Variants in ARHGAP8 observed in about 807,000 individuals in gnomAD.
The protein encoded by ARHGAP8 is rho GTPase-activating protein 8.
A neutral mutation model predicts 46.1 loss-of-function variants in ARHGAP8; 62 were observed. The observed-to-expected ratio is 1.34, with a 90% confidence interval of 1.10 to 1.66. The LOEUF is 1.66. Ranked by LOEUF, ARHGAP8 falls within the 40% of genes most tolerant of loss-of-function variation. The pLI is 0.00. For missense variants in ARHGAP8, 923 were observed against 568.4 expected (o/e 1.62, Z -6.34); for synonymous variants, 375 against 243.1 (o/e 1.54, Z -5.05).
intron 2 of ARHGAP8, among the ~76,000 whole-genome samples, chr22:44,789,881 C>T (rs1927536390): frequency 6.6e-6 from 1 of 152,318 alleles, no homozygotes; most frequent in African/African-American, 2.4e-5. Context: ...ACAGCTCTAC[C>T]AGCTTTCTCA....
At position 44,862,352 on chromosome 22, in the gene ARHGAP8, A is replaced by C. The variant is rs757699565; in HGVS notation, c.1059A>C (p.Pro353=). Residue 353 remains proline, a synonymous_variant, in exon 12 of 12, where the codon CCA becomes CCC. Transcript: ENST00000356099. The part of the protein sequence containing the change: ...ACVFGLNLIW[P]SQGVSSLSAL... ...TCTTCGGGCTGAATTTGATCTGGCC[A>C]TCCCAGGGGGTCTCCTCCCTGAGTG... The C allele has an allele frequency of 2.5e-6, 4 of 1,613,936 alleles. No homozygotes were observed. Among genetic ancestry groups the C allele is most frequent in the African/African-American group, 1.3e-5 (1 of 74,916 alleles).
At chr22:44,795,001 A>G (rs1399973596) in intron 2 of ARHGAP8, among the ~76,000 whole-genome samples, 1 of 150,178 alleles carries the variant, frequency 6.7e-6, no homozygotes, top group South Asian at 2.1e-4. Context: ...TGATCATGCC[A>G]CTGCACTCCA....
rs1928510076 is a variant in ARHGAP8 at position 44,801,257 on chromosome 22, GCTGT to G, written c.80-817_80-814del. ...ATGTGTGGGGGCGCCTCTCCCCGCAGCTGTCTATGTGTGAGGGGCGCCTCTCCCC... is the reference window on the plus strand; with the variant it reads ...ATGTGTGGGGGCGCCTCTCCCCGCAGCTATGTGTGAGGGGCGCCTCTCCCC... On this transcript the variant is annotated intron_variant, in intron 2 of 11. Coordinates refer to ENST00000356099, the MANE Select transcript of ARHGAP8 (RefSeq NM_181335.3). Among the ~76,000 whole-genome samples the G allele has an allele frequency of 1.8e-5, 2 of 112,228 alleles. 1 individual carries two copies. Among genetic ancestry groups the G allele is most frequent in the Non-Finnish European group, 3.5e-5 (2 of 56,378 alleles). 73.6% of individuals were successfully genotyped at this position (112,228 alleles called of 152,430 possible). A position where few individuals can be genotyped will look rare whatever the true frequency, so the allele number is the denominator to read the frequency against.
intron 10 of ARHGAP8, among the ~76,000 whole-genome samples, chr22:44,851,739 C>T (rs542181033): frequency 1.2e-4 from 19 of 152,028 alleles, no homozygotes; most frequent in Non-Finnish European, 2.5e-4. Flanking sequence ...GCTCAGGAGG[C>T]TGAGGTGGGA....
intron 1 of ARHGAP8, among the ~76,000 whole-genome samples, chr22:44,763,491 C>CAAAAAAA (rs370437700): frequency 2.5e-5 from 2 of 78,496 alleles, no homozygotes; most frequent in African/African-American, 5.1e-5. Flanking sequence ...GACTCTGTCT[C>CAAAAAAA]AAAAAAAAAA....
At chr22:44,791,644 C>A (rs988381132) in intron 2 of ARHGAP8, among the ~76,000 whole-genome samples, 2 of 152,138 alleles carry the variant, frequency 1.3e-5, no homozygotes, top group East Asian at 1.9e-4. Context: ...GCGGAGGTTG[C>A]AGTGAGCCGA....
At chr22:44,823,968 G>A (rs1930331178) in intron 6 of ARHGAP8, among the ~76,000 whole-genome samples, 1 of 152,124 alleles carries the variant, frequency 6.6e-6, no homozygotes, top group East Asian at 1.9e-4. Context: ...CGGCACCCCT[G>A]TTCCATAGCC....
At chr22:44,833,764 C>T (rs1931111848) in intron 7 of ARHGAP8, among the ~76,000 whole-genome samples, 1 of 152,120 alleles carries the variant, frequency 6.6e-6, no homozygotes, top group Admixed American at 6.6e-5. Flanking sequence ...ACAGAATTCA[C>T]CACTGAAGCC....
chr22:44,855,497 T>G (rs981224088), intron 10 of ARHGAP8, among the ~76,000 whole-genome samples: 1 of 152,192 alleles, frequency 6.6e-6, no homozygotes, highest in African/African-American at 2.4e-5. Context: ...TCATACATAG[T>G]TTCATACAAG....
chr22:44,762,055 G>A (rs1312691998), intron 1 of ARHGAP8, among the ~76,000 whole-genome samples: 1 of 152,220 alleles, frequency 6.6e-6, no homozygotes, highest in Non-Finnish European at 1.5e-5. Context: ...TGAGATTTGG[G>A]TGGGAACACA....
In ARHGAP8 at chr22:44,853,002, C is replaced by G. The variant is rs79623048; in HGVS notation, c.877+3942C>G. ...TATTTTTAGTAGAGACAGCATTTCA[C>G]TGTGTCAGCCAGGATGGTCTCAATC... On this transcript the variant is annotated intron_variant, in intron 10 of 11. Transcript: ENST00000356099. Among the ~76,000 whole-genome samples, 132 of 152,312 alleles carry G rather than the reference C, an allele frequency of 8.7e-4. 4 individuals are homozygous for G. In the East Asian group the frequency reaches 0.021, roughly 24 times the overall value.
intron 7 of ARHGAP8, among the ~76,000 whole-genome samples, chr22:44,826,751 T>G (rs771366941): frequency 5.9e-5 from 9 of 152,104 alleles, no homozygotes; most frequent in African/African-American, 1.4e-4. Flanking sequence ...TGAAACATTT[T>G]GAAAGGTTTT....
intron 10 of ARHGAP8, among the ~76,000 whole-genome samples, chr22:44,855,248 T>C (rs369207977): frequency 6.6e-6 from 1 of 151,738 alleles, no homozygotes; most frequent in Non-Finnish European, 1.5e-5. Context: ...AGGGTCTCCT[T>C]CTCCTTGACC....
chr22:44,821,232 C>T (rs1453528598), intron 5 of ARHGAP8, among the ~76,000 whole-genome samples: 1 of 152,062 alleles, frequency 6.6e-6, no homozygotes, highest in Non-Finnish European at 1.5e-5. Context: ...GAGATCGAGA[C>T]CATCCTGGCT....
In ARHGAP8 at chr22:44,848,113, C is replaced by T. The variant is rs1036279424; in HGVS notation, c.748+63C>T. ...GGTCAGCGAGCACAGCGCTCCGGGG[C>T]CTCAGAGCGGAGGCAGGGAAGCACC... On this transcript the variant is annotated intron_variant, in intron 9 of 11. Coordinates refer to ENST00000356099, the MANE Select transcript of ARHGAP8 (RefSeq NM_181335.3). 9 of 1,587,470 alleles carry T rather than the reference C, an allele frequency of 5.7e-6. No homozygotes were observed. In the African/African-American group the frequency reaches 1.1e-4, roughly 19 times the overall value.
intron 2 of ARHGAP8, among the ~76,000 whole-genome samples, chr22:44,800,552 G>A (rs895999076): frequency 9.5e-5 from 14 of 148,130 alleles, no homozygotes; most frequent in South Asian, 8.6e-4. Context: ...AGCTGTCCAT[G>A]TGTGGGGGGC....
chr22:44,794,672 T>A (rs757392139), intron 2 of ARHGAP8, among the ~76,000 whole-genome samples: 14 of 152,098 alleles, frequency 9.2e-5, no homozygotes, highest in Non-Finnish European at 2.1e-4. Context: ...ATTGGGCCAC[T>A]GCACTCCAGC....
intron 1 of ARHGAP8, among the ~76,000 whole-genome samples, chr22:44,771,764 A>AG (rs769522123): frequency 2.4e-4 from 37 of 151,088 alleles, no homozygotes; most frequent in South Asian, 8.3e-4. Context: ...CATGCTGGCC[A>AG]GGCTGGTCTC....
rs1009396377 is a variant in ARHGAP8 at position 44,862,685 on chromosome 22, C to T, written c.*90C>T. On this transcript the variant is annotated 3_prime_UTR_variant, in exon 12 of 12. Transcript: ENST00000356099. ...TAAACTTGGCATCTGTAAAAATAACCAGCCATTAGATGAATTCAGAACCTT... is the reference window on the plus strand; with the variant it reads ...TAAACTTGGCATCTGTAAAAATAACTAGCCATTAGATGAATTCAGAACCTT... 25 of 1,434,566 alleles carry T rather than the reference C, an allele frequency of 1.7e-5. No individual in the cohort carries two copies. In the African/African-American group the frequency reaches 3.1e-4, roughly 18 times the overall value. 88.9% of individuals were successfully genotyped at this position (1,434,566 alleles called of 1,614,324 possible).
Sources: gnomAD v4.1 joint callset for allele counts (sites outside exome capture counted in the v4.1 genomes callset) on GRCh38, gnomAD v4.1.1 for gene constraint, MANE v1.5 for transcripts, NCBI Gene and HGNC (gene_info 2026-07-23, HGNC 2026-07-21) for gene names.